The following ZNF177 variants were observed in gnomAD, a reference collection of about 807,000 sequenced individuals.
ZNF177 encodes zinc finger protein 177.
ZNF177 carries 17 observed loss-of-function variants against 19.4 expected under a neutral mutation model. That is an observed-to-expected ratio of 0.87 (90% CI 0.60 to 1.31). The LOEUF (loss-of-function observed/expected upper bound fraction) is 1.31. Ranked by LOEUF, ZNF177 falls within the 40% of genes most tolerant of loss-of-function variation. The probability of loss-of-function intolerance (pLI) is 0.00; values close to 1 mark genes in which losing one functional copy is unlikely to be tolerated. For synonymous variants in ZNF177, 220 were observed against 188.7 expected, an observed-to-expected ratio of 1.17 and a Z score of -1.36; for missense variants, 633 against 561.8, an observed-to-expected ratio of 1.13 and a Z score of -1.28.
downstream of ZNF177, chr19:9,382,314 G>T: frequency 7.5e-6 from 3 of 398,748 alleles, no homozygotes; most frequent in Non-Finnish European, 8.8e-6. Context: ...GGAAGCTCAT[G>T]GAAATGGGAA....
At chr19:9,377,790 T>C (rs985975643) in intron 1 of ZNF177, among the ~76,000 whole-genome samples, 4 of 152,204 alleles carry the variant, frequency 2.6e-5, no homozygotes, top group African/African-American at 7.2e-5. Flanking sequence ...CCTTATGAGT[T>C]ACTCCTTATT....
exon 6 of ZNF177, chr19:9,381,219 G>C (rs1428871946): frequency 6.2e-7 from 1 of 1,614,132 alleles, no homozygotes; most frequent in East Asian, 2.2e-5. Flanking sequence ...TCATTTTTCA[G>C]TCTTCCCTTA....
intron 5 of ZNF177, 98 bp downstream of exon 7, chr19:9,380,237 G>A: frequency 7.3e-7 from 1 of 1,367,656 alleles, no homozygotes; most frequent in South Asian, 1.6e-5. Context: ...TAAGAATTCA[G>A]GCACCAGGCT....
chr19:9,380,642 G>T (rs1358959643), intron 5 of ZNF177, 26 bp from the exon 8 acceptor site: 19 of 1,535,966 alleles, frequency 1.2e-5, no homozygotes, highest in Non-Finnish European at 1.7e-5. Context: ...AAAGCCTCTA[G>T]TCACCACTTA....
chr19:9,374,429 T>A (rs186999713), upstream of ZNF177, among the ~76,000 whole-genome samples: 1 of 152,336 alleles, frequency 6.6e-6, no homozygotes, highest in Non-Finnish European at 1.5e-5. Context: ...AAAATATCAT[T>A]GGAATTTCAT....
At chr19:9,366,004 C>T (rs1345062185) in intron 2 of ZNF177, among the ~76,000 whole-genome samples, 1 of 152,122 alleles carries the variant, frequency 6.6e-6, no homozygotes, top group South Asian at 2.1e-4. Flanking sequence ...TGAGTCACAG[C>T]ACCAAATCTA....
At chr19:9,363,382 CTA>C (rs1371766171) in intron 1 of ZNF177, 1 of 152,240 alleles carries the variant, frequency 6.6e-6, no homozygotes, top group Non-Finnish European at 1.5e-5. Context: ...CAGTAGGAGA[CTA>C]TTTTTTCTCA....
upstream of ZNF177, among the ~76,000 whole-genome samples, chr19:9,374,586 C>T (rs1247683821): frequency 2.0e-5 from 3 of 151,952 alleles, no homozygotes; most frequent in Admixed American, 6.6e-5. Context: ...TTGAGATCAT[C>T]TCCTTGGTTA....
intron 5 of ZNF177, 102 bp downstream of exon 7, chr19:9,380,241 C>A (rs1295540833): frequency 6.0e-6 from 8 of 1,341,184 alleles, no homozygotes; most frequent in Admixed American, 3.1e-5. Context: ...AATTCAGGCA[C>A]CAGGCTTTCA....
Position 9,381,021 on chromosome 19 carries a change from AG to A in ZNF177, c.692del (p.Gly231ValfsTer73). The A allele has an allele frequency of 6.3e-7, 1 of 1,591,814 alleles. No homozygotes were observed. Among genetic ancestry groups the A allele is most frequent in the South Asian group, 1.1e-5 (1 of 90,056 alleles). ...GTGAGCAAATACCTACTGGAGAGAA[AG>A]GTGATGAATGCAGTGACTATGGCAA... is the stretch of plus-strand genomic sequence containing the variant. On this transcript the variant is annotated frameshift_variant, in exon 6 of 6. Transcript: ENST00000589262. LOFTEE classifies it low-confidence loss of function (END_TRUNC).
At chr19:9,378,215 A>G (rs969270785) in intron 1 of ZNF177, 44 bp from the exon 4 acceptor site, 2 of 1,534,372 alleles carry the variant, frequency 1.3e-6, no homozygotes, top group African/African-American at 2.8e-5. Context: ...AGTGTTGAAC[A>G]TCTAGCAGGC....
At chr19:9,375,873 TTTC>T (rs2068102808), upstream of ZNF177, among the ~76,000 whole-genome samples, 1 of 152,168 alleles carries the variant, frequency 6.6e-6, no homozygotes, top group African/African-American at 2.4e-5. Context: ...TTGGGCTTAG[TTTC>T]TTTTTCCTTC....
intron 5 of ZNF177, chr19:9,380,441 A>G (rs559384502): frequency 6.7e-5 from 57 of 845,952 alleles, no homozygotes; most frequent in Non-Finnish European, 9.5e-5. Flanking sequence ...AAACTGTATT[A>G]AAGAAGCCCT....
chr19:9,381,302 G>C (rs1243595727), exon 6 of ZNF177: 6 of 1,614,012 alleles, frequency 3.7e-6, no homozygotes, highest in Non-Finnish European at 5.1e-6. Flanking sequence ...TTTAGCCAGA[G>C]CTCTCATCTG....
chr19:9,378,941 A>T, intron 2 of ZNF177, 21 bp from the exon 5 acceptor site: 2 of 1,579,478 alleles, frequency 1.3e-6, no homozygotes, highest in Non-Finnish European at 1.7e-6. Flanking sequence ...GCTGAGCCAG[A>T]ATATGTATGT....
chr19:9,380,278 G>C (rs2068174638), intron 5 of ZNF177, 139 bp downstream of exon 7: 5 of 1,126,492 alleles, frequency 4.4e-6, no homozygotes, highest in Admixed American at 6.9e-5. Context: ...GGAGAGTTTG[G>C]AGTTTGATTT....
intron 1 of ZNF177, among the ~76,000 whole-genome samples, chr19:9,377,000 ATC>A (rs1491553020): frequency 2.0e-5 from 3 of 152,084 alleles, no homozygotes; most frequent in East Asian, 3.9e-4. Flanking sequence ...GGAAGTTTTT[ATC>A]TCTCCTTCAT....
At chr19:9,380,787 G>A (rs1306485619) in exon 6 of ZNF177, 19 of 1,536,062 alleles carry the variant, frequency 1.2e-5, no homozygotes, top group Non-Finnish European at 1.5e-5. Flanking sequence ...AATATATAAA[G>A]TATAGCAAAG....
chr19:9,381,905 T>C (rs1289923309), exon 6 of ZNF177: 11 of 1,378,052 alleles, frequency 8.0e-6, no homozygotes, highest in African/African-American at 1.4e-5. Flanking sequence ...CCTGTTATAC[T>C]GGGACAAACC....
Sources: allele counts gnomAD v4.1 joint callset (sites outside exome capture counted in the v4.1 genomes callset), GRCh38; gene constraint gnomAD v4.1.1; transcripts MANE v1.5; gene names NCBI Gene and HGNC (gene_info 2026-07-23, HGNC 2026-07-21).